Variants in PDILT observed in about 807,000 individuals in gnomAD.
PDILT encodes protein disulfide-isomerase-like protein of the testis.
In PDILT, 43 loss-of-function variants were observed where a neutral mutation model predicts 53.7. The observed-to-expected ratio is 0.80, with a 90% confidence interval of 0.63 to 1.03. The LOEUF is 1.03. Ranked by LOEUF, PDILT falls within the 50% of genes least tolerant of loss-of-function variation. PDILT has a pLI of 0.00. For synonymous variants in PDILT, 282 were observed against 274.2 expected (o/e 1.03, Z -0.28); for missense variants, 727 against 712.3 (o/e 1.02, Z -0.24).
At chr16:20,381,402 C>T (rs192473404) in intron 3 of PDILT, among the ~76,000 whole-genome samples, 5 of 152,074 alleles carry the variant, frequency 3.3e-5, no homozygotes, top group Admixed American at 2.0e-4. Flanking sequence ...TTTGGGAGGC[C>T]GAGACAGGTG....
chr16:20,372,239 A>G (rs1966317811), intron 7 of PDILT, among the ~76,000 whole-genome samples: 1 of 152,246 alleles, frequency 6.6e-6, no homozygotes, highest in South Asian at 2.1e-4. Context: ...TTACTACAAC[A>G]GTCCATTTCA....
rs1424272841 is a variant in PDILT at position 20,374,898 on chromosome 16, G to A, written c.605C>T (p.Thr202Met). The A allele has an allele frequency of 3.7e-6, 6 of 1,613,936 alleles. No individual in the cohort carries two copies. Among genetic ancestry groups the A allele is most frequent in the Non-Finnish European group, 5.1e-6 (6 of 1,179,972 alleles). ...YDVIKDFPEL[T>M]FGVITIGNVI... ...ATTGCCAATCGTTATGACTCCAAAC[G>A]TTAGCTCTGGAAAGTCTTTGATCAC... The change falls in exon 5 of 12, where the codon ACG becomes ATG. Residue 202 changes from threonine to methionine, a missense_variant. Physicochemically the swap from Thr to Met is moderately conservative, Grantham distance 81 (BLOSUM62 -1). Transcript: ENST00000302451.
intron 8 of PDILT, among the ~76,000 whole-genome samples, chr16:20,368,034 A>G (rs913963561): frequency 1.3e-5 from 2 of 152,302 alleles, no homozygotes; most frequent in East Asian, 3.9e-4. Flanking sequence ...GGGGCACTAA[A>G]GAGAAATGGG....
At chr16:20,402,821 A>G (rs1169248710) in intron 1 of PDILT, among the ~76,000 whole-genome samples, 1 of 152,100 alleles carries the variant, frequency 6.6e-6, no homozygotes, top group East Asian at 1.9e-4. Flanking sequence ...CACCCTGTCC[A>G]GCCCTGGGAC....
chr16:20,361,205 T>TG (rs5816105), intron 10 of PDILT, among the ~76,000 whole-genome samples: 2 of 134,798 alleles, frequency 1.5e-5, no homozygotes, highest in African/African-American at 5.7e-5. Context: ...TTTTTTTTTT[T>TG]ATATGGAATC....
chr16:20,382,792 C>T (rs1451891939), intron 3 of PDILT, among the ~76,000 whole-genome samples: 2 of 152,128 alleles, frequency 1.3e-5, no homozygotes, highest in African/African-American at 2.4e-5. Context: ...ATTCGACGAG[C>T]GGCAGTGATT....
chr16:20,373,247 G>C (rs1362949160), intron 5 of PDILT, 125 bp from the exon 6 acceptor site: 3 of 784,036 alleles, frequency 3.8e-6, no homozygotes, highest in Non-Finnish European at 6.3e-6. Flanking sequence ...ATCAGGTGTA[G>C]TCTGTAATCT....
chr16:20,402,745 C>T (rs1050322097), intron 1 of PDILT, among the ~76,000 whole-genome samples: 2 of 152,214 alleles, frequency 1.3e-5, no homozygotes, highest in Non-Finnish European at 2.9e-5. Context: ...TTTTTTCTCC[C>T]AATCTCTCCC....
At chr16:20,403,525 G>A (rs1596603576) in intron 1 of PDILT, among the ~76,000 whole-genome samples, 1 of 152,060 alleles carries the variant, frequency 6.6e-6, no homozygotes, top group African/African-American at 2.4e-5. Context: ...CCTGACCTCA[G>A]GTGATCCACC....
intron 2 of PDILT, among the ~76,000 whole-genome samples, chr16:20,392,782 A>G (rs1966620954): frequency 6.6e-6 from 1 of 152,182 alleles, no homozygotes; most frequent in Admixed American, 6.5e-5. Context: ...GTCAAATGCA[A>G]TTCAAGAATG....
At chr16:20,404,143 C>G (rs1429537830) in intron 1 of PDILT, among the ~76,000 whole-genome samples, 1 of 152,160 alleles carries the variant, frequency 6.6e-6, no homozygotes, top group Non-Finnish European at 1.5e-5. Flanking sequence ...ATTTGGAACT[C>G]AATGAATGTT....
rs1025731921 is a variant in PDILT at position 20,397,488 on chromosome 16, G to A, written c.202+1611C>T. ...CCATTTTACAGTCAAGTAAACAGAA[G>A]TTCAGAATGCTCAAGATCACCAGCC... On this transcript the variant is annotated intron_variant, in intron 2 of 11. Coordinates refer to ENST00000302451, the MANE Select transcript of PDILT (RefSeq NM_174924.2). Among the ~76,000 whole-genome samples, 5 of 152,100 alleles carry A rather than the reference G, an allele frequency of 3.3e-5. No individual in the cohort carries two copies. The East Asian group carries it at 9.6e-4, about 29-fold the overall frequency.
intron 2 of PDILT, among the ~76,000 whole-genome samples, chr16:20,395,704 T>A (rs890240883): frequency 6.6e-6 from 1 of 152,162 alleles, no homozygotes; most frequent in African/African-American, 2.4e-5. Context: ...TAGAGGTGGA[T>A]CCCTCATGAA....
chr16:20,360,292 T>G (rs1000110471), intron 11 of PDILT, among the ~76,000 whole-genome samples: 2 of 151,784 alleles, frequency 1.3e-5, no homozygotes, highest in Non-Finnish European at 2.9e-5. Flanking sequence ...AGACATCTGG[T>G]CAGTGCCAGG....
At chr16:20,361,862 A>G (rs1966106214) in intron 10 of PDILT, among the ~76,000 whole-genome samples, 1 of 151,702 alleles carries the variant, frequency 6.6e-6, no homozygotes, top group Non-Finnish European at 1.5e-5. Context: ...ATTCATCCAT[A>G]CTCTTCTAAG....
chr16:20,363,467 GTA>G (rs1567318662), intron 9 of PDILT, among the ~76,000 whole-genome samples: 4 of 110,108 alleles, frequency 3.6e-5, no homozygotes, highest in African/African-American at 1.0e-4. Flanking sequence ...GTGTTTTTGT[GTA>G]TGTGTATGTG....
intron 2 of PDILT, among the ~76,000 whole-genome samples, chr16:20,398,596 A>C (rs1966691392): frequency 6.6e-6 from 1 of 152,158 alleles, no homozygotes; most frequent in South Asian, 2.1e-4. Context: ...ATGCCACTGC[A>C]CTCCAGCCTG....
At chr16:20,379,092 C>G (rs1172283462) in intron 3 of PDILT, among the ~76,000 whole-genome samples, 1 of 152,072 alleles carries the variant, frequency 6.6e-6, no homozygotes, top group East Asian at 1.9e-4. Context: ...TGGCTTACTG[C>G]AGCCTCGATC....
At chr16:20,359,630 G>A (rs921382213) in intron 11 of PDILT, 63 bp from the exon 12 acceptor site, 12 of 1,485,082 alleles carry the variant, frequency 8.1e-6, no homozygotes, top group Non-Finnish European at 1.1e-5. Context: ...GAAATAAAGA[G>A]GCAAGAAATA....
Sources: allele counts gnomAD v4.1 joint callset (sites outside exome capture counted in the v4.1 genomes callset), GRCh38; gene constraint gnomAD v4.1.1; transcripts MANE v1.5; gene names NCBI Gene and HGNC (gene_info 2026-07-23, HGNC 2026-07-21).